PDE6A: variants seen among roughly 807,000 people sequenced by gnomAD.
PDE6A encodes the protein rod cGMP-specific 3',5'-cyclic phosphodiesterase subunit alpha.
A neutral mutation model predicts 106.3 loss-of-function variants in PDE6A; 84 were observed. That is an observed-to-expected ratio of 0.79 (90% CI 0.66 to 0.95). The LOEUF (loss-of-function observed/expected upper bound fraction) is 0.95. Ranked by LOEUF, PDE6A falls within the 40% of genes least tolerant of loss-of-function variation. PDE6A has a pLI of 0.00. For synonymous variants in PDE6A, 394 were observed against 386.6 expected (o/e 1.02, Z -0.23); for missense variants, 1,052 against 1,084.9 (o/e 0.97, Z 0.43).
rs1228867964 is a variant in PDE6A at position 149,928,208 on chromosome 5, G to GATATATATATATATAT, written c.858+2819_858+2820insATATATATATATATAT. ...TGTACTACAGCTCATAATTGTATGT[G>GATATATATATATATAT]CTATATATATATATATATATATATT... is the stretch of plus-strand genomic sequence containing the variant. On this transcript the variant is annotated intron_variant, in intron 4 of 21. Coordinates refer to ENST00000255266, the MANE Select transcript of PDE6A (RefSeq NM_000440.3). Among the ~76,000 whole-genome samples, 257 of 57,666 alleles carry GATATATATATATATAT rather than the reference G, an allele frequency of 4.5e-3. 4 individuals carry two copies. Among genetic ancestry groups the GATATATATATATATAT allele is most frequent in the South Asian group, 5.7e-3 (11 of 1,934 alleles). The allele number at this position is 57,666 out of a possible 152,430, so 37.8% of individuals were successfully genotyped here.
chr5:149,941,211 C>T lies in PDE6A; in HGVS notation c.474+2989G>A, dbSNP rs1014363562. Among the ~76,000 whole-genome samples the T allele has an allele frequency of 4.6e-5, 7 of 152,278 alleles. 1 individual carries two copies. On this transcript the variant is annotated intron_variant, in intron 1 of 21. Transcript: ENST00000255266. ...CTTTGTGCCAGACACTGTGCTGGGT[C>T]CTGGAGTAAAAGCCTGGTGGACAAG...
chr5:149,902,941 A>T (rs1423344178), intron 8 of PDE6A, among the ~76,000 whole-genome samples: 1 of 152,100 alleles, frequency 6.6e-6, no homozygotes, highest in Non-Finnish European at 1.5e-5. Context: ...TCAATAGGAG[A>T]TGGTAGAACA....
At chr5:149,867,439 C>T (rs1760371147) in intron 19 of PDE6A, 4 of 528,412 alleles carry the variant, frequency 7.6e-6, no homozygotes, top group South Asian at 6.2e-5. Flanking sequence ...GGACACATTT[C>T]CCAAAATTTA....
chr5:149,941,583 T>C (rs1368428), intron 1 of PDE6A, among the ~76,000 whole-genome samples: 31,489 of 152,100 alleles, frequency 0.21, 3,625 homozygotes, highest in South Asian at 0.3. Flanking sequence ...TGCCTCCGCA[T>C]GTAAAGCACA....
At chr5:149,942,396 T>A (rs1456339347) in intron 1 of PDE6A, among the ~76,000 whole-genome samples, 1 of 152,180 alleles carries the variant, frequency 6.6e-6, no homozygotes, top group African/African-American at 2.4e-5. Flanking sequence ...CCTGGGCTGG[T>A]TCACCCCACC....
Position 149,867,759 on chromosome 5 carries a change from T to A in PDE6A, c.2240A>T (p.Asp747Val). 1 of 1,613,652 alleles carries A rather than the reference T, an allele frequency of 6.2e-7. No homozygotes were observed. ...CTGTTGCAGCACCGTGCGCTCCAGG[T>A]CACCTTGTTCCCAGAATTCAGCAGC... ...LVAAEFWEQG[D>V]LERTVLQQNP... Residue 747 changes from aspartate to valine, a missense_variant, in exon 19 of 22, where the codon GAC becomes GTC. Transcript: ENST00000255266.
Position 149,859,787 on chromosome 5 carries a change from C to T in PDE6A, c.*1108G>A, listed in dbSNP as rs1760065474. 6.6e-6 allele frequency: 1 copy of T among 152,258 alleles called. No individual in the cohort carries two copies. Among genetic ancestry groups the T allele is most frequent in the Non-Finnish European group, 1.5e-5 (1 of 68,100 alleles). 9.4% of individuals were successfully genotyped at this position (152,258 alleles called of 1,614,324 possible). On this transcript the variant is annotated 3_prime_UTR_variant, in exon 22 of 22. Transcript: ENST00000255266. Reference sequence around the variant, plus strand: ...CAGCCCATCAAAGCATAGATCACAGCTGGGTATTAGGCAGGCATTGGTTGC... The same window carrying T: ...CAGCCCATCAAAGCATAGATCACAGTTGGGTATTAGGCAGGCATTGGTTGC...
chr5:149,875,132 G>A (rs1215688673), intron 17 of PDE6A, among the ~76,000 whole-genome samples: 1 of 152,130 alleles, frequency 6.6e-6, no homozygotes, highest in Admixed American at 6.5e-5. Flanking sequence ...TGGGCCCCGA[G>A]ATGGCTTTAT....
At chr5:149,939,909 G>A (rs1452660680) in intron 1 of PDE6A, 3 of 150,074 alleles carry the variant, frequency 2.0e-5, no homozygotes, top group Non-Finnish European at 3.0e-5. Flanking sequence ...GCTCTGTAAC[G>A]ACTCCCTGGC....
At chr5:149,930,174 T>G (rs1753989317) in intron 4 of PDE6A, among the ~76,000 whole-genome samples, 1 of 152,260 alleles carries the variant, frequency 6.6e-6, no homozygotes. Flanking sequence ...AGTCCAGTAA[T>G]TTTTTAATCA....
intron 3 of PDE6A, among the ~76,000 whole-genome samples, 186 bp from the exon 4 acceptor site, chr5:149,931,354 ATTTT>A (rs3836740): frequency 6.7e-6 from 1 of 148,812 alleles, no homozygotes; most frequent in Non-Finnish European, 1.5e-5. Context: ...AAAGTTTTTA[ATTTT>A]TTTTTTTGCT....
intron 5 of PDE6A, among the ~76,000 whole-genome samples, chr5:149,920,992 A>AAGAAAGAGAAAAAGAAAGAAAGAAAG (rs376178582): frequency 1.5e-5 from 2 of 133,192 alleles, no homozygotes; most frequent in African/African-American, 5.9e-5. Context: ...GAAAGAAAGA[A>AAGAAAGAGAAAAAGAAAGAAAGAAAG]AGAAAAAGAA....
At chr5:149,899,343 C>T (rs775532157) in intron 9 of PDE6A, 32 bp downstream of exon 9, 1 of 1,613,030 alleles carries the variant, frequency 6.2e-7, no homozygotes, top group Non-Finnish European at 8.5e-7. Context: ...ACTCTGAATC[C>T]CAACAGCAAA....
At chr5:149,922,894 G>A (rs1383544622) in intron 4 of PDE6A, among the ~76,000 whole-genome samples, 1 of 152,140 alleles carries the variant, frequency 6.6e-6, no homozygotes, top group Non-Finnish European at 1.5e-5. Context: ...AATAATTTGA[G>A]CTCCTACAAA....
At position 149,944,320 on chromosome 5, in the gene PDE6A, A is replaced by G; in HGVS notation, c.354T>C (p.Asp118=). ...TCACCAGGCAGTCCTCGAGGACAGC[A>G]TCCTTGTGGACATTGAAAAGCCTGG... ...LATRLFNVHK[D]AVLEDCLVMP... The change falls in exon 1 of 22, where the codon GAT becomes GAC. Residue 118 remains aspartate (D), a synonymous_variant. Transcript: ENST00000255266. The G allele has an allele frequency of 6.2e-7, 1 of 1,614,154 alleles. No individual in the cohort carries two copies. Among genetic ancestry groups the G allele is most frequent in the Non-Finnish European group, 8.5e-7 (1 of 1,180,026 alleles).
intron 1 of PDE6A, among the ~76,000 whole-genome samples, chr5:149,939,508 T>C (rs1370805060): frequency 6.6e-6 from 1 of 152,164 alleles, no homozygotes; most frequent in Non-Finnish European, 1.5e-5. Flanking sequence ...TCACTTAGAA[T>C]AGATCCTTAA....
intron 4 of PDE6A, among the ~76,000 whole-genome samples, chr5:149,928,209 C>CTATATATATATATA (rs1213238607): frequency 9.0e-4 from 40 of 44,526 alleles, no homozygotes; most frequent in African/African-American, 2.5e-3. Context: ...ATTGTATGTG[C>CTATATATATATATA]TATATATATA....
chr5:149,925,275 T>C (rs1227488687), intron 4 of PDE6A, among the ~76,000 whole-genome samples: 1 of 152,186 alleles, frequency 6.6e-6, no homozygotes, highest in Non-Finnish European at 1.5e-5. Flanking sequence ...TAACTGTGAT[T>C]ATGTCCAAGA....
intron 4 of PDE6A, among the ~76,000 whole-genome samples, chr5:149,922,296 A>AATTATTATTATTATT (rs142378973): frequency 2.8e-4 from 42 of 148,920 alleles, no homozygotes; most frequent in African/African-American, 1.0e-3. Flanking sequence ...ATTTACAACA[A>AATTATTATTATTATT]ATTATTATTA....
Sources: gnomAD v4.1 joint callset for allele counts (sites outside exome capture counted in the v4.1 genomes callset) on GRCh38, gnomAD v4.1.1 for gene constraint, MANE v1.5 for transcripts, NCBI Gene and HGNC (gene_info 2026-07-23, HGNC 2026-07-21) for gene names.